PPP1R16B: variants seen among roughly 807,000 people sequenced by gnomAD.
PPP1R16B encodes the protein protein phosphatase 1 regulatory inhibitor subunit 16B.
A neutral mutation model predicts 61.7 loss-of-function variants in PPP1R16B; 14 were observed. The observed-to-expected ratio is 0.23, with a 90% CI of 0.15 to 0.35. PPP1R16B has a LOEUF of 0.35. PPP1R16B is among the 10% of genes least tolerant of loss of function. The probability of loss-of-function intolerance (pLI) is 1.00; values close to 1 mark genes in which losing one functional copy is unlikely to be tolerated. For missense variants in PPP1R16B, 547 were observed against 752.5 expected (o/e 0.73, Z 3.19); for synonymous variants, 266 against 305.3 (o/e 0.87, Z 1.34).
chr20:38,843,708 G>A (rs1366602938), intron 2 of PPP1R16B, among the ~76,000 whole-genome samples: 1 of 151,940 alleles, frequency 6.6e-6, no homozygotes, highest in Non-Finnish European at 1.5e-5. Flanking sequence ...TTGTGGACAT[G>A]TTTTAAAACC....
chr20:38,870,893 CT>C (rs146482942), intron 2 of PPP1R16B, among the ~76,000 whole-genome samples: 20,163 of 152,062 alleles, frequency 0.13, 1,456 homozygotes, highest in Admixed American at 0.19. Context: ...GTGACGGAGA[CT>C]TATCAGGAAG....
At chr20:38,909,988 A>T (rs1449124073) in intron 10 of PPP1R16B, among the ~76,000 whole-genome samples, 1 of 151,700 alleles carries the variant, frequency 6.6e-6, no homozygotes, top group Non-Finnish European at 1.5e-5. Context: ...TTATTTTTTT[A>T]TTTTTTTATG....
At chr20:38,841,547 T>C (rs1281622412) in intron 2 of PPP1R16B, among the ~76,000 whole-genome samples, 1 of 151,916 alleles carries the variant, frequency 6.6e-6, no homozygotes, top group African/African-American at 2.4e-5. Context: ...CAGAAAGCCT[T>C]TTCATCATCC....
chr20:38,844,986 C>T (rs2084928384), intron 2 of PPP1R16B, among the ~76,000 whole-genome samples: 1 of 151,824 alleles, frequency 6.6e-6, no homozygotes. Context: ...ACCCCACCCC[C>T]TGGGCCTGAA....
At chr20:38,893,873 G>A (rs905810043) in intron 3 of PPP1R16B, among the ~76,000 whole-genome samples, 5 of 152,090 alleles carry the variant, frequency 3.3e-5, no homozygotes, top group African/African-American at 1.2e-4. Context: ...CTAGGGGTTG[G>A]ATTTCTGGCC....
At chr20:38,850,867 C>A (rs1457669640) in intron 2 of PPP1R16B, among the ~76,000 whole-genome samples, 1 of 151,248 alleles carries the variant, frequency 6.6e-6, no homozygotes, top group East Asian at 1.9e-4. Context: ...ACTCGGGAGG[C>A]TGAGGCAAAA....
rs184330293 is a variant in PPP1R16B, at chr20:38,854,046, T to C, written c.250+17871T>C. Among the ~76,000 whole-genome samples the C allele has an allele frequency of 3.9e-5, 6 of 152,326 alleles. No individual in the cohort carries two copies. The East Asian group carries it at 9.6e-4, about 24-fold the overall frequency. On this transcript the variant is annotated intron_variant, in intron 2 of 10. Coordinates refer to ENST00000299824, the MANE Select transcript of PPP1R16B (RefSeq NM_015568.4). ...GATTCATTGGGGGCCATTGTTATAA[T>C]CTACCACACATTCTAGACTTTGCTT...
chr20:38,885,687 T>C (rs909253623), intron 2 of PPP1R16B, among the ~76,000 whole-genome samples: 3 of 152,224 alleles, frequency 2.0e-5, no homozygotes, highest in African/African-American at 4.8e-5. Context: ...ATAAGAGGAA[T>C]AATTATAGGT....
At chr20:38,839,929 T>C (rs772377292) in intron 2 of PPP1R16B, among the ~76,000 whole-genome samples, 2 of 152,348 alleles carry the variant, frequency 1.3e-5, no homozygotes, top group Non-Finnish European at 2.9e-5. Context: ...ATGAAAGAGA[T>C]GGATCTGAAG....
chr20:38,810,876 C>A (rs2084696492), intron 1 of PPP1R16B, among the ~76,000 whole-genome samples: 1 of 152,172 alleles, frequency 6.6e-6, no homozygotes, highest in Non-Finnish European at 1.5e-5. Context: ...CTCAAAGTTG[C>A]CATGTGCTAT....
At chr20:38,841,810 G>A (rs4368395) in intron 2 of PPP1R16B, among the ~76,000 whole-genome samples, 111,976 of 152,106 alleles carry the variant, frequency 0.74, 41,463 homozygotes, top group African/African-American at 0.82. Context: ...TAGATATTCC[G>A]CATTTTGTTT....
intron 4 of PPP1R16B, among the ~76,000 whole-genome samples, chr20:38,896,293 C>A (rs187337209): frequency 1.3e-5 from 2 of 150,352 alleles, no homozygotes; most frequent in East Asian, 2.0e-4. Flanking sequence ...TCCTTCCCTC[C>A]TTTTCTGCTT....
chr20:38,911,299 T>C (rs1156697791), intron 10 of PPP1R16B, among the ~76,000 whole-genome samples: 4 of 151,272 alleles, frequency 2.6e-5, no homozygotes, highest in Non-Finnish European at 4.4e-5. Context: ...CCCTAGTAGC[T>C]GGGACTATAG....
intron 1 of PPP1R16B, among the ~76,000 whole-genome samples, chr20:38,818,560 C>G (rs576739366): frequency 6.6e-6 from 1 of 152,122 alleles, no homozygotes; most frequent in Non-Finnish European, 1.5e-5. Context: ...ACTCCACCAG[C>G]GTTGTGGATG....
chr20:38,911,401 C>T (rs573792889), intron 10 of PPP1R16B, among the ~76,000 whole-genome samples: 57 of 144,458 alleles, frequency 3.9e-4, no homozygotes, highest in Non-Finnish European at 8.1e-4. Context: ...CTCCTGACCT[C>T]GTGATCCACC....
intron 2 of PPP1R16B, among the ~76,000 whole-genome samples, chr20:38,842,814 C>A (rs2084916238): frequency 7.9e-6 from 1 of 126,902 alleles, no homozygotes; most frequent in Admixed American, 8.2e-5. Flanking sequence ...AGGGAAGTTT[C>A]TTTTCTTCTA....
intron 4 of PPP1R16B, among the ~76,000 whole-genome samples, chr20:38,898,447 G>A (rs534632919): frequency 6.6e-6 from 1 of 152,108 alleles, no homozygotes; most frequent in Non-Finnish European, 1.5e-5. Context: ...TTCTTTTTCA[G>A]GGTTGTGTTG....
At chr20:38,903,923 C>T (rs969047392) in intron 6 of PPP1R16B, among the ~76,000 whole-genome samples, 3 of 152,152 alleles carry the variant, frequency 2.0e-5, no homozygotes, top group African/African-American at 7.2e-5. Flanking sequence ...GGGTGGGTGC[C>T]CTGTCCCAGG....
chr20:38,837,092 G>A (rs938584711), intron 2 of PPP1R16B, among the ~76,000 whole-genome samples: 1 of 152,314 alleles, frequency 6.6e-6, no homozygotes, highest in Non-Finnish European at 1.5e-5. Flanking sequence ...CGTGTATTCC[G>A]TGTATGTAGC....
Sources: gnomAD v4.1 joint callset for allele counts (sites outside exome capture counted in the v4.1 genomes callset) on GRCh38, gnomAD v4.1.1 for gene constraint, MANE v1.5 for transcripts, NCBI Gene and HGNC (gene_info 2026-07-23, HGNC 2026-07-21) for gene names.